PCLO: variants seen among roughly 807,000 people sequenced by gnomAD.
PCLO encodes the protein piccolo presynaptic cytomatrix protein.
A neutral mutation model predicts 427.5 loss-of-function variants in PCLO; 82 were observed. That is an observed-to-expected ratio of 0.19 (90% confidence interval 0.16 to 0.23). The LOEUF is 0.23. PCLO is among the 10% of genes least tolerant of loss of function. PCLO has a pLI of 1.00. For synonymous variants in PCLO, 2,357 were observed against 2,155.4 expected, an observed-to-expected ratio of 1.09 and a Z score of -2.59; for missense variants, 6,239 against 6,115.9, an observed-to-expected ratio of 1.02 and a Z score of -0.67.
At chr7:82,914,314 C>T in intron 7 of PCLO, 1 of 454,064 alleles carries the variant, frequency 2.2e-6, no homozygotes, top group Admixed American at 3.9e-5. Flanking sequence ...TGACCAATAA[C>T]TTTTAAAATA....
intron 3 of PCLO, among the ~76,000 whole-genome samples, chr7:83,083,128 T>C (rs1790145107): frequency 6.6e-6 from 1 of 151,970 alleles, no homozygotes; most frequent in African/African-American, 2.4e-5. Context: ...ATGATTGATG[T>C]AGTCACTGTC....
chr7:83,074,460 C>T (rs563319625), intron 3 of PCLO, among the ~76,000 whole-genome samples: 16 of 151,744 alleles, frequency 1.1e-4, no homozygotes, highest in Non-Finnish European at 1.5e-4. Flanking sequence ...AAAAGTATAT[C>T]CAGATAAAAT....
At chr7:82,884,440 C>G (rs1462047548) in intron 9 of PCLO, among the ~76,000 whole-genome samples, 1 of 152,166 alleles carries the variant, frequency 6.6e-6, no homozygotes, top group Non-Finnish European at 1.5e-5. Context: ...ATTTTCTCCT[C>G]TTTATAGACT....
chr7:82,792,753 A>T (rs913239822), intron 22 of PCLO, among the ~76,000 whole-genome samples: 1 of 152,192 alleles, frequency 6.6e-6, no homozygotes, highest in African/African-American at 2.4e-5. Flanking sequence ...TATTTTTTTT[A>T]AATCTGTTTC....
At chr7:82,850,950 C>A (rs984507203) in intron 10 of PCLO, among the ~76,000 whole-genome samples, 1 of 152,032 alleles carries the variant, frequency 6.6e-6, no homozygotes, top group Non-Finnish European at 1.5e-5. Flanking sequence ...TTAGAAAGTG[C>A]AAATTGAAGC....
At chr7:82,943,746 A>G (rs184816676) in intron 6 of PCLO, among the ~76,000 whole-genome samples, 1 of 152,230 alleles carries the variant, frequency 6.6e-6, no homozygotes, top group East Asian at 1.9e-4. Context: ...ATTGTCATAA[A>G]CATGGTACTA....
intron 3 of PCLO, among the ~76,000 whole-genome samples, chr7:83,095,819 G>C (rs1012188982): frequency 7.2e-5 from 11 of 151,970 alleles, no homozygotes; most frequent in African/African-American, 2.7e-4. Context: ...TTTAAAATGT[G>C]TTGGAGTTTG....
chr7:83,156,989 T>C (rs565087443), intron 1 of PCLO, among the ~76,000 whole-genome samples: 25 of 152,258 alleles, frequency 1.6e-4, no homozygotes, highest in African/African-American at 5.5e-4. Context: ...TTTCTGATAA[T>C]GGAGTTTACA....
chr7:82,831,156 T>C (rs1460655561), intron 16 of PCLO, among the ~76,000 whole-genome samples: 1 of 152,118 alleles, frequency 6.6e-6, no homozygotes, highest in Non-Finnish European at 1.5e-5. Context: ...AACCCCATTA[T>C]ACAGGTATTA....
chr7:82,927,064 A>T (rs922697711), intron 6 of PCLO, among the ~76,000 whole-genome samples: 1 of 152,116 alleles, frequency 6.6e-6, no homozygotes, highest in African/African-American at 2.4e-5. Context: ...CTGTCTGTCA[A>T]CCACTTTATT....
chr7:82,772,035 C>T (rs542086479), intron 22 of PCLO, among the ~76,000 whole-genome samples: 4 of 152,090 alleles, frequency 2.6e-5, no homozygotes, highest in Admixed American at 1.3e-4. Flanking sequence ...GCTCTTCAGA[C>T]GTTTTATATA....
intron 6 of PCLO, among the ~76,000 whole-genome samples, chr7:82,929,467 A>T (rs1038659496): frequency 2.0e-5 from 3 of 152,132 alleles, no homozygotes; most frequent in African/African-American, 7.2e-5. Flanking sequence ...TTAAAGCTCA[A>T]ATAAAAAAAT....
At chr7:82,992,469 T>C (rs1032081856) in intron 3 of PCLO, among the ~76,000 whole-genome samples, 2 of 152,148 alleles carry the variant, frequency 1.3e-5, no homozygotes, top group African/African-American at 4.8e-5. Flanking sequence ...GATTTTAAAG[T>C]TGTCATACTA....
chr7:83,034,130 A>G (rs1251825173), intron 3 of PCLO, among the ~76,000 whole-genome samples: 3 of 152,194 alleles, frequency 2.0e-5, no homozygotes, highest in South Asian at 2.1e-4. Flanking sequence ...GTTCCATTCC[A>G]TGACAGAAAA....
chr7:82,793,912 T>C (rs1021506305), intron 22 of PCLO, among the ~76,000 whole-genome samples: 5 of 152,194 alleles, frequency 3.3e-5, no homozygotes, highest in Admixed American at 6.5e-5. Flanking sequence ...CTGAGATAGG[T>C]AGCATGGAAA....
In PCLO at chr7:83,130,203, G is replaced by C. The variant is rs10238715; in HGVS notation, c.3300+4047C>G. 8.0e-3 allele frequency among the ~76,000 whole-genome samples: 1,224 copies of C among 152,168 alleles called. 15 individuals are homozygous for C. Among genetic ancestry groups the C allele is most frequent in the African/African-American group, 0.028 (1,155 of 41,498 alleles). The stretch of plus-strand genomic sequence containing the variant: ...GTCTCCCATTATTATTATTTGAGAC[G>C]AAGTCTCTCTGTGTTGTCCACGCTG... On this transcript the variant is annotated intron_variant, in intron 3 of 24. Coordinates refer to ENST00000333891, the MANE Select transcript of PCLO (RefSeq NM_033026.6).
chr7:82,911,737 C>T (rs1356831593), intron 7 of PCLO, among the ~76,000 whole-genome samples: 1 of 152,038 alleles, frequency 6.6e-6, no homozygotes, highest in Non-Finnish European at 1.5e-5. Context: ...ATTCTCCTGC[C>T]TCAGGCTCCC....
At chr7:82,805,558 A>G in intron 21 of PCLO, 130 bp downstream of exon 21, 3 of 767,704 alleles carry the variant, frequency 3.9e-6, no homozygotes, top group Non-Finnish European at 6.3e-6. Context: ...CATAGGCATT[A>G]ACAGTTCAAG....
At chr7:82,924,617 T>C (rs1794671442) in intron 6 of PCLO, among the ~76,000 whole-genome samples, 1 of 152,074 alleles carries the variant, frequency 6.6e-6, no homozygotes, top group Non-Finnish European at 1.5e-5. Flanking sequence ...TAGTATGTTG[T>C]TAAAATTGTC....
Sources: gnomAD v4.1 joint callset for allele counts (sites outside exome capture counted in the v4.1 genomes callset) on GRCh38, gnomAD v4.1.1 for gene constraint, MANE v1.5 for transcripts, NCBI Gene and HGNC (gene_info 2026-07-23, HGNC 2026-07-21) for gene names.